Variants in PDE4A observed in about 807,000 individuals in gnomAD.
The protein encoded by PDE4A is 3',5'-cyclic-AMP phosphodiesterase 4A.
Under a neutral mutation model 73.9 loss-of-function variants are expected in PDE4A, and 21 were observed. That is an observed-to-expected ratio of 0.28 (90% CI 0.20 to 0.41). The LOEUF is 0.41. Among genes scored for constraint, PDE4A ranks in the 10% least tolerant of loss-of-function variants. PDE4A has a pLI of 1.00. For synonymous variants in PDE4A, 463 were observed against 505.4 expected (o/e 0.92, Z 1.13); for missense variants, 958 against 1,211.4 (o/e 0.79, Z 3.10).
At chr19:10,441,317 C>T (rs142646130) in intron 1 of PDE4A, among the ~76,000 whole-genome samples, 130 of 151,972 alleles carry the variant, frequency 8.6e-4, no homozygotes, top group Non-Finnish European at 1.5e-3. Context: ...TTAGTAGAGA[C>T]GGTTTCGCCA....
At chr19:10,452,891 C>A in intron 6 of PDE4A, 5 of 939,652 alleles carry the variant, frequency 5.3e-6, no homozygotes, top group Non-Finnish European at 6.4e-6. Flanking sequence ...CACCACCTGA[C>A]ATCCCATGCA....
chr19:10,459,366 C>T, intron 8 of PDE4A, 34 bp from the exon 9 acceptor site: 1 of 1,614,068 alleles, frequency 6.2e-7, no homozygotes, highest in Non-Finnish European at 8.5e-7. Flanking sequence ...CTGAGCCTTA[C>T]AGGCTTCTGA....
intron 1 of PDE4A, among the ~76,000 whole-genome samples, chr19:10,431,734 G>T (rs1489574822): frequency 6.6e-6 from 1 of 152,136 alleles, no homozygotes; most frequent in Non-Finnish European, 1.5e-5. Flanking sequence ...AGGAGGGCAC[G>T]GCGGGGCAGG....
intron 4 of PDE4A, 77 bp from the exon 5 acceptor site, chr19:10,450,526 G>A: frequency 6.6e-7 from 1 of 1,516,342 alleles, no homozygotes; most frequent in African/African-American, 1.4e-5. Flanking sequence ...AATTGGCACT[G>A]TTCATGAAAG....
chr19:10,450,727 C>T, intron 5 of PDE4A, 75 bp downstream of exon 5: 7 of 1,585,650 alleles, frequency 4.4e-6, no homozygotes, highest in Non-Finnish European at 6.0e-6. Flanking sequence ...CTTCCCCACC[C>T]AGCAGTCCAC....
Position 10,467,171 on chromosome 19 carries a change from G to A in PDE4A, c.2211G>A (p.Gln737=), listed in dbSNP as rs2043389934. ...PCTAQEALTA[Q]GLSGVEEALD... ...CAGCCCAAGAGGCATTGACTGCGCAGGGATTGTCAGGAGTCGAGGAAGCTC... is the reference window on the plus strand; with the variant it reads ...CAGCCCAAGAGGCATTGACTGCGCAAGGATTGTCAGGAGTCGAGGAAGCTC... Residue 737 remains glutamine, a synonymous_variant, in exon 15 of 15, where the codon CAG becomes CAA. Coordinates refer to ENST00000380702, the MANE Select transcript of PDE4A (RefSeq NM_001111307.2). 1 of 1,614,088 alleles carries A rather than the reference G, an allele frequency of 6.2e-7. No homozygotes were observed. Among genetic ancestry groups the A allele is most frequent in the African/African-American group, 1.3e-5 (1 of 74,946 alleles).
chr19:10,423,039 C>T, intron 1 of PDE4A: 1 of 915,448 alleles, frequency 1.1e-6, no homozygotes, highest in Non-Finnish European at 1.3e-6. Context: ...GGCTCACCCT[C>T]CGGCTCCATG....
intron 1 of PDE4A, among the ~76,000 whole-genome samples, chr19:10,431,460 A>G (rs1400652223): frequency 3.3e-5 from 5 of 152,024 alleles, no homozygotes; most frequent in Non-Finnish European, 7.4e-5. Context: ...CCTTGCGGTG[A>G]GGCTTGGTGT....
rs751990214 is a variant in PDE4A at position 10,461,116 on chromosome 19, C to T, written c.1465+13C>T. 1 of 1,605,076 alleles carries T rather than the reference C, an allele frequency of 6.2e-7. No homozygotes were observed. The highest frequency in any genetic ancestry group is 1.3e-5 in the African/African-American group (1 of 74,736). On this transcript the variant is annotated intron_variant, in intron 11 of 14. Coordinates refer to ENST00000380702, the MANE Select transcript of PDE4A (RefSeq NM_001111307.2). ...CTCATCAACACCAGTGAGTGGCCCT[C>T]GCCAGGGGCGGGGTTTGCTGAGTTG... is the stretch of plus-strand genomic sequence containing the variant.
chr19:10,433,262 C>T (rs1320588867), intron 1 of PDE4A, among the ~76,000 whole-genome samples: 1 of 152,130 alleles, frequency 6.6e-6, no homozygotes, highest in African/African-American at 2.4e-5. Flanking sequence ...GCAGTTGACT[C>T]ATGGCCACAC....
At position 10,453,041 on chromosome 19, in the gene PDE4A, G is replaced by T. The variant is rs888162334; in HGVS notation, c.784-1788G>T. ...CCGCCTCCACCCACTGCCGCGGGGGGGCCCGTTGGGGCCCAGGGCTGGCGG... is the reference window on the plus strand; with the variant it reads ...CCGCCTCCACCCACTGCCGCGGGGGTGCCCGTTGGGGCCCAGGGCTGGCGG... On this transcript the variant is annotated intron_variant, in intron 6 of 14. Coordinates refer to ENST00000380702, the MANE Select transcript of PDE4A (RefSeq NM_001111307.2). The surrounding 1 kb of genome is among the most constrained non-coding windows in gnomAD (Gnocchi z 4.6). The T allele has an allele frequency of 6.7e-6, 9 of 1,340,548 alleles. No homozygotes were observed. The highest frequency in any genetic ancestry group is 8.6e-6 in the Non-Finnish European group (9 of 1,047,672). The allele number at this position is 1,340,548 out of a possible 1,614,324, so 83.0% of individuals were successfully genotyped here.
intron 1 of PDE4A, chr19:10,432,384 A>G: frequency 7.5e-7 from 1 of 1,338,338 alleles, no homozygotes. Flanking sequence ...CGCGCGCCAC[A>G]CCGCCCTGCC....
intron 13 of PDE4A, among the ~76,000 whole-genome samples, chr19:10,463,333 G>C (rs1363309604): frequency 1.3e-5 from 2 of 149,688 alleles, no homozygotes; most frequent in Non-Finnish European, 3.0e-5. Context: ...CAAGTGATCT[G>C]CCCACCTTGG....
chr19:10,434,335 G>A lies in PDE4A; in HGVS notation c.321-11883G>A, dbSNP rs140365456. Among the ~76,000 whole-genome samples the A allele has an allele frequency of 1.1e-4, 16 of 150,982 alleles. No homozygotes were observed. In the East Asian group the frequency reaches 3.1e-3, roughly 30 times the overall value. On this transcript the variant is annotated intron_variant, in intron 1 of 14. Transcript: ENST00000380702. ...TTCTTGTGCCTCAGCCTCCCAAGTA[G>A]CTGGCATTACAGGTGTATGCCACCA...
intron 1 of PDE4A, among the ~76,000 whole-genome samples, chr19:10,445,444 GTC>G (rs1445458018): frequency 6.6e-6 from 1 of 152,084 alleles, no homozygotes; most frequent in African/African-American, 2.4e-5. Flanking sequence ...TGTGTCTCCC[GTC>G]TCTTTTAGGG....
At chr19:10,435,289 G>C (rs1359943183) in intron 1 of PDE4A, among the ~76,000 whole-genome samples, 3 of 152,160 alleles carry the variant, frequency 2.0e-5, no homozygotes, top group African/African-American at 7.2e-5. Context: ...AGATGCAGTG[G>C]TCATGCCTAT....
chr19:10,447,566 A>T (rs1053608176), intron 2 of PDE4A, among the ~76,000 whole-genome samples: 2 of 150,896 alleles, frequency 1.3e-5, no homozygotes, highest in African/African-American at 2.4e-5. Context: ...ATCGGGTCTC[A>T]CTATGTTGCC....
intron 1 of PDE4A, among the ~76,000 whole-genome samples, chr19:10,444,691 G>C (rs1430783737): frequency 7.0e-6 from 1 of 143,220 alleles, no homozygotes; most frequent in African/African-American, 2.6e-5. Flanking sequence ...TTTTTTTTGA[G>C]ATGGAGTCTT....
rs2043131064 is a variant in PDE4A at position 10,453,823 on chromosome 19, G to T, written c.784-1006G>T. Among the ~76,000 whole-genome samples, 1 of 152,090 alleles carries T rather than the reference G, an allele frequency of 6.6e-6. No individual in the cohort carries two copies. Among genetic ancestry groups the T allele is most frequent in the Non-Finnish European group, 1.5e-5 (1 of 68,018 alleles). On this transcript the variant is annotated intron_variant, in intron 6 of 14. Transcript: ENST00000380702. This position sits in a 1 kb window ranked among gnomAD's most constrained non-coding sequence, Gnocchi z 4.6. Reference sequence around the variant, plus strand: ...AGAGCCTGTGATTGTGTGTGTGGTTGTGTGAGATTTTGTGGGTCCATCTTG... The same window carrying T: ...AGAGCCTGTGATTGTGTGTGTGGTTTTGTGAGATTTTGTGGGTCCATCTTG...
Sources: allele counts gnomAD v4.1 joint callset (sites outside exome capture counted in the v4.1 genomes callset), GRCh38; gene constraint gnomAD v4.1.1; non-coding constraint Gnocchi (gnomAD v3.1); transcripts MANE v1.5; gene names NCBI Gene and HGNC (gene_info 2026-07-23, HGNC 2026-07-21).